The following LINGO2 variants were observed in gnomAD, a reference collection of about 807,000 sequenced individuals.
LINGO2 encodes leucine rich repeat and Ig domain containing 2.
LINGO2 carries 14 observed loss-of-function variants against 30.6 expected under a neutral mutation model. That is an observed-to-expected ratio of 0.46 (90% CI 0.30 to 0.72). LINGO2 has a LOEUF of 0.72. LINGO2 is among the 30% of genes least tolerant of loss of function. The pLI, the probability that LINGO2 is intolerant of heterozygous loss-of-function variation, is 0.07. For synonymous variants in LINGO2, 317 were observed against 288.5 expected (o/e 1.10, Z -1.00); for missense variants, 729 against 751.7 (o/e 0.97, Z 0.35).
chr9:28,888,834 A>G, the LINGO2 span: 2 of 530,790 alleles, frequency 3.8e-6, no homozygotes, highest in South Asian at 2.8e-5. Flanking sequence ...GGTACCAGCC[A>G]TAAAATGTTG....
chr9:28,929,031 C>T, the LINGO2 span, among the ~76,000 whole-genome samples: 1 of 152,164 alleles, frequency 6.6e-6, no homozygotes, highest in Admixed American at 6.5e-5. Context: ...GGGAATTCAA[C>T]AAAAGCAATT....
chr9:28,236,780 A>G (rs767996423), intron 4 of LINGO2, among the ~76,000 whole-genome samples: 8 of 152,146 alleles, frequency 5.3e-5, no homozygotes, highest in Non-Finnish European at 1.2e-4. Context: ...ATGGTTAATC[A>G]GTATAAAAAT....
the LINGO2 span, among the ~76,000 whole-genome samples, chr9:29,024,466 T>A: frequency 6.6e-6 from 1 of 152,106 alleles, no homozygotes; most frequent in African/African-American, 2.4e-5. Flanking sequence ...AATTTAGACT[T>A]AATGACATCA....
intron 5 of LINGO2, among the ~76,000 whole-genome samples, chr9:27,988,259 T>C (rs1355863817): frequency 6.6e-6 from 1 of 152,114 alleles, no homozygotes; most frequent in Non-Finnish European, 1.5e-5. Flanking sequence ...TTGATGGACA[T>C]TTGGGTTGGT....
the LINGO2 span, among the ~76,000 whole-genome samples, chr9:28,933,210 T>G: frequency 6.6e-6 from 1 of 152,134 alleles, no homozygotes; most frequent in Non-Finnish European, 1.5e-5. Context: ...CCCAGCCTAC[T>G]TATCTCATTC....
the LINGO2 span, among the ~76,000 whole-genome samples, chr9:29,180,895 C>T: frequency 1.3e-5 from 2 of 152,020 alleles, no homozygotes; most frequent in Non-Finnish European, 2.9e-5. Flanking sequence ...CAAACAACAA[C>T]AAAACAAAAC....
intron 4 of LINGO2, among the ~76,000 whole-genome samples, chr9:28,124,220 T>C (rs1353230020): frequency 1.3e-5 from 2 of 152,224 alleles, no homozygotes; most frequent in East Asian, 3.9e-4. Flanking sequence ...GTTTAGAGTT[T>C]GAATCCCATC....
the LINGO2 span, among the ~76,000 whole-genome samples, chr9:29,144,058 C>T: frequency 6.6e-6 from 1 of 152,016 alleles, no homozygotes; most frequent in Non-Finnish European, 1.5e-5. Context: ...TGGTCAGATT[C>T]GTTTAATAGC....
chr9:28,986,148 T>A, the LINGO2 span, among the ~76,000 whole-genome samples: 1 of 152,084 alleles, frequency 6.6e-6, no homozygotes, highest in Non-Finnish European at 1.5e-5. Flanking sequence ...CACACCTTTG[T>A]TAAAAATCAA....
chr9:28,201,670 G>T (rs907364136), intron 4 of LINGO2, among the ~76,000 whole-genome samples: 5 of 151,514 alleles, frequency 3.3e-5, no homozygotes, highest in African/African-American at 1.2e-4. Context: ...TTCCACAATG[G>T]TTGAACCAGT....
chr9:29,034,848 T>C, the LINGO2 span, among the ~76,000 whole-genome samples: 1 of 152,156 alleles, frequency 6.6e-6, no homozygotes, highest in Non-Finnish European at 1.5e-5. Flanking sequence ...TTACTGACAA[T>C]GCCATAATGA....
the LINGO2 span, among the ~76,000 whole-genome samples, chr9:28,746,079 T>C: frequency 6.6e-6 from 1 of 151,906 alleles, no homozygotes; most frequent in African/African-American, 2.4e-5. Flanking sequence ...GGCTTGAAAA[T>C]TTTGCTGGGA....
chr9:28,006,321 C>A (rs1218478339), intron 5 of LINGO2, among the ~76,000 whole-genome samples: 1 of 106,884 alleles, frequency 9.4e-6, no homozygotes, highest in African/African-American at 3.7e-5. Flanking sequence ...AGAAGAAATC[C>A]TTACCTAAGA....
the LINGO2 span, among the ~76,000 whole-genome samples, chr9:28,908,174 TAC>T: frequency 6.9e-6 from 1 of 145,202 alleles, no homozygotes; most frequent in African/African-American, 2.5e-5. Context: ...CACACACACA[TAC>T]AAAACTTCTC....
chr9:28,940,399 G>A, the LINGO2 span, among the ~76,000 whole-genome samples: 1 of 152,046 alleles, frequency 6.6e-6, no homozygotes, highest in Non-Finnish European at 1.5e-5. Context: ...AAAATAGCAA[G>A]CCCTCAGATG....
At chr9:28,959,600 TCTCTCTCTCC>T in the LINGO2 span, among the ~76,000 whole-genome samples, 1 of 138,098 alleles carries the variant, frequency 7.2e-6, no homozygotes, top group Non-Finnish European at 1.5e-5. Context: ...TCTCTCTCTC[TCTCTCTCTCC>T]CTCACACACA....
the LINGO2 span, among the ~76,000 whole-genome samples, chr9:28,714,779 G>C: frequency 3.9e-5 from 6 of 151,932 alleles, no homozygotes; most frequent in African/African-American, 1.5e-4. Context: ...TAAAATAATT[G>C]TTTATTATAG....
chr9:28,968,985 GC>G, the LINGO2 span, among the ~76,000 whole-genome samples: 1 of 152,086 alleles, frequency 6.6e-6, no homozygotes, highest in East Asian at 1.9e-4. Context: ...GAATGTGGGA[GC>G]ACAAGTATAT....
At chr9:28,093,744 A>T (rs1826165384) in intron 4 of LINGO2, among the ~76,000 whole-genome samples, 1 of 152,026 alleles carries the variant, frequency 6.6e-6, no homozygotes, top group Non-Finnish European at 1.5e-5. Flanking sequence ...TCACACTCTC[A>T]ACCAGGAGCA....
Sources: allele counts gnomAD v4.1 joint callset (sites outside exome capture counted in the v4.1 genomes callset), GRCh38; gene constraint gnomAD v4.1.1; transcripts MANE v1.5; gene names NCBI Gene and HGNC (gene_info 2026-07-23, HGNC 2026-07-21).